Variants in GABBR2 observed in about 807,000 individuals in gnomAD.
The protein encoded by GABBR2 is gamma-aminobutyric acid type B receptor subunit 2.
A neutral mutation model predicts 105.6 loss-of-function variants in GABBR2; 23 were observed. The observed-to-expected ratio is 0.22, with a 90% CI of 0.16 to 0.31. The LOEUF is 0.31. Among genes scored for constraint, GABBR2 ranks in the 10% least tolerant of loss-of-function variants. GABBR2 has a pLI of 1.00. For missense variants in GABBR2, 734 were observed against 1,245.5 expected, an observed-to-expected ratio of 0.59 and a Z score of 6.18; for synonymous variants, 478 against 499.7, an observed-to-expected ratio of 0.96 and a Z score of 0.58.
At chr9:98,387,849 C>G (rs1412491612) in intron 10 of GABBR2, among the ~76,000 whole-genome samples, 1 of 152,036 alleles carries the variant, frequency 6.6e-6, no homozygotes, top group Non-Finnish European at 1.5e-5. Context: ...TCTAGAGCCT[C>G]CAAATTCCTT....
chr9:98,487,872 T>G (rs549321816), intron 4 of GABBR2, among the ~76,000 whole-genome samples: 2 of 152,256 alleles, frequency 1.3e-5, no homozygotes, highest in African/African-American at 4.8e-5. Flanking sequence ...ACATTCCAGA[T>G]GGAATTAAGG....
At chr9:98,389,906 C>T (rs940373605) in intron 9 of GABBR2, among the ~76,000 whole-genome samples, 4 of 151,982 alleles carry the variant, frequency 2.6e-5, no homozygotes, top group African/African-American at 7.3e-5. Context: ...TGGAATCAGC[C>T]GGATGTTACA....
At chr9:98,418,761 T>C (rs1184657751) in intron 7 of GABBR2, among the ~76,000 whole-genome samples, 1 of 152,182 alleles carries the variant, frequency 6.6e-6, no homozygotes, top group African/African-American at 2.4e-5. Flanking sequence ...AGAGGAGAAC[T>C]GACCAGAGCA....
At chr9:98,429,121 G>GGT (rs56248488) in intron 7 of GABBR2, among the ~76,000 whole-genome samples, 21,518 of 145,416 alleles carry the variant, frequency 0.15, 1,608 homozygotes, top group South Asian at 0.28. Flanking sequence ...CCAGGTTTTT[G>GGT]GTGTGTGTGT....
chr9:98,531,374 C>T (rs1686974905), intron 3 of GABBR2, among the ~76,000 whole-genome samples: 1 of 152,218 alleles, frequency 6.6e-6, no homozygotes, highest in Non-Finnish European at 1.5e-5. Flanking sequence ...CAGCCATCTT[C>T]TCTCTGCTCT....
chr9:98,296,433 A>G (rs1292513250), intron 17 of GABBR2, among the ~76,000 whole-genome samples: 1 of 152,210 alleles, frequency 6.6e-6, no homozygotes, highest in Non-Finnish European at 1.5e-5. Flanking sequence ...CAAACAGACT[A>G]AGGCATGGAG....
intron 11 of GABBR2, among the ~76,000 whole-genome samples, chr9:98,383,562 G>A (rs1301950750): frequency 1.3e-5 from 2 of 152,092 alleles, no homozygotes; most frequent in Non-Finnish European, 2.9e-5. Flanking sequence ...AGAGGAGAGG[G>A]GCCTGAACAC....
At chr9:98,484,287 C>A (rs1336224095) in intron 4 of GABBR2, among the ~76,000 whole-genome samples, 1 of 152,186 alleles carries the variant, frequency 6.6e-6, no homozygotes, top group Non-Finnish European at 1.5e-5. Flanking sequence ...TTGGATGGGG[C>A]CCGTGGGATC....
intron 13 of GABBR2, among the ~76,000 whole-genome samples, chr9:98,324,013 C>T (rs1194511818): frequency 1.3e-5 from 2 of 152,194 alleles, no homozygotes; most frequent in South Asian, 4.1e-4. Context: ...GTTAGTAGGG[C>T]CATCAGCCTC....
chr9:98,647,820 C>T (rs932578796), intron 1 of GABBR2, among the ~76,000 whole-genome samples: 1 of 152,196 alleles, frequency 6.6e-6, no homozygotes, highest in Non-Finnish European at 1.5e-5. Context: ...TATTTGACCT[C>T]ATTACCTCGA....
chr9:98,339,483 C>G (rs1341393206), intron 13 of GABBR2, among the ~76,000 whole-genome samples: 1 of 152,122 alleles, frequency 6.6e-6, no homozygotes, highest in African/African-American at 2.4e-5. Context: ...TTTGCACCAC[C>G]TGTAGCCTTG....
At chr9:98,464,443 A>G (rs1265955010) in intron 6 of GABBR2, among the ~76,000 whole-genome samples, 3 of 127,732 alleles carry the variant, frequency 2.3e-5, no homozygotes, top group Admixed American at 1.6e-4. Flanking sequence ...GGCTGCCCCA[A>G]ATGGGAACTG....
chr9:98,312,996 C>T (rs534768636), intron 13 of GABBR2, among the ~76,000 whole-genome samples: 19 of 152,274 alleles, frequency 1.2e-4, no homozygotes, highest in African/African-American at 3.8e-4. Context: ...GTGATCTGCC[C>T]GTCTCCGCCT....
At chr9:98,689,432 A>G (rs1192704900) in intron 1 of GABBR2, among the ~76,000 whole-genome samples, 2 of 152,240 alleles carry the variant, frequency 1.3e-5, no homozygotes, top group African/African-American at 2.4e-5. Flanking sequence ...AGAAGAGGCT[A>G]AGACTGGGGA....
chr9:98,616,740 A>G (rs1829591445), intron 1 of GABBR2, among the ~76,000 whole-genome samples: 1 of 128,092 alleles, frequency 7.8e-6, no homozygotes, highest in Non-Finnish European at 1.7e-5. Context: ...AGTGACAGTG[A>G]GACTCCGTCT....
intron 4 of GABBR2, among the ~76,000 whole-genome samples, chr9:98,490,042 G>A (rs186800640): frequency 0.014 from 2,092 of 152,248 alleles, 21 homozygotes; most frequent in Non-Finnish European, 0.021. Flanking sequence ...GCAGTGAGCC[G>A]AGATCGTGCC....
chr9:98,600,008 A>C (rs984678092), intron 1 of GABBR2, among the ~76,000 whole-genome samples: 20 of 152,324 alleles, frequency 1.3e-4, no homozygotes, highest in Admixed American at 1.1e-3. Context: ...AGGGGCAGGC[A>C]CGCGCTGGCT....
chr9:98,552,867 A>C (rs1431912437), intron 2 of GABBR2, among the ~76,000 whole-genome samples: 1 of 151,974 alleles, frequency 6.6e-6, no homozygotes, highest in African/African-American at 2.4e-5. Flanking sequence ...TGCTGTGGCC[A>C]GTCCTTTTTT....
chr9:98,389,034 A>G lies in GABBR2; in HGVS notation c.1379-30T>C, dbSNP rs1001272077. ...AGGATCAAGAGAAGACATCAGTGGG[A>G]CCCAATGCAAGTCATTCCCCGAGAA... On this transcript the variant is annotated intron_variant, in intron 9 of 18. Transcript: ENST00000259455. The G allele has an allele frequency of 2.5e-6, 4 of 1,591,568 alleles. No homozygotes were observed. In the African/African-American group the frequency reaches 4.0e-5, roughly 16 times the overall value.
Sources: allele counts gnomAD v4.1 joint callset (sites outside exome capture counted in the v4.1 genomes callset), GRCh38; gene constraint gnomAD v4.1.1; transcripts MANE v1.5; gene names NCBI Gene and HGNC (gene_info 2026-07-23, HGNC 2026-07-21).